The following DISP1 variants were observed in gnomAD, a reference collection of about 807,000 sequenced individuals.
The protein encoded by DISP1 is dispatched RND transporter family member 1, also known as protein dispatched homolog 1.
In DISP1, 30 loss-of-function variants were observed where a neutral mutation model predicts 37.3. The ratio of observed to expected loss-of-function variants is 0.80; its 90% CI spans 0.60 to 1.09. DISP1 has a LOEUF of 1.09. Among genes scored for constraint, DISP1 ranks in the 50% least tolerant of loss-of-function variants. The pLI is 0.00. For missense variants in DISP1, 1,598 were observed against 1,879.5 expected (o/e 0.85, Z 2.77); for synonymous variants, 634 against 690.2 (o/e 0.92, Z 1.28).
intron 1 of DISP1, chr1:222,837,180 C>A: frequency 2.5e-6 from 1 of 396,128 alleles, no homozygotes; most frequent in Admixed American, 4.4e-5. Flanking sequence ...GTCCTGGATG[C>A]CCTCTTTTCT....
At position 222,984,421 on chromosome 1, in the gene DISP1, A is replaced by ATATAT. The variant is rs796974033; in HGVS notation, c.539+1312_539+1313insTATAT. 1.2e-3 allele frequency among the ~76,000 whole-genome samples: 130 copies of ATATAT among 105,768 alleles called. 5 individuals are homozygous for ATATAT. The highest frequency in any genetic ancestry group is 8.2e-3 in the Admixed American group (76 of 9,254). 69.4% of individuals were successfully genotyped at this position (105,768 alleles called of 152,430 possible). On this transcript the variant is annotated intron_variant, in intron 4 of 8. Transcript: ENST00000675850. ...TCTGTCTCAAAAAAAAAAAAAAAAA[A>ATATAT]ATATATATATATATAGAGAGAGAGA...
intron 1 of DISP1, among the ~76,000 whole-genome samples, chr1:222,924,437 G>A (rs1672971486): frequency 6.6e-6 from 1 of 152,128 alleles, no homozygotes; most frequent in South Asian, 2.1e-4. Context: ...TGAGTTCAAG[G>A]TTACATAGCC....
At chr1:222,924,688 G>T (rs1302685432) in intron 1 of DISP1, among the ~76,000 whole-genome samples, 1 of 152,152 alleles carries the variant, frequency 6.6e-6, no homozygotes, top group Non-Finnish European at 1.5e-5. Context: ...GAAAAATCTT[G>T]CTGAAGCAGT....
chr1:222,988,611 CTCTT>C (rs919338386), intron 4 of DISP1, among the ~76,000 whole-genome samples: 15 of 149,294 alleles, frequency 1.0e-4, no homozygotes, highest in South Asian at 6.3e-4. Flanking sequence ...TCTCTCTCTT[CTCTT>C]TCTTTCTTTT....
At chr1:222,831,135 A>G (rs1198606658) in intron 1 of DISP1, 1 of 152,358 alleles carries the variant, frequency 6.6e-6, no homozygotes, top group African/African-American at 2.4e-5. Context: ...GTACAGAACC[A>G]TTAACATGCT....
chr1:222,990,702 T>G lies in DISP1; in HGVS notation c.617T>G (p.Val206Gly), dbSNP rs747237302. 2 of 1,614,152 alleles carry G rather than the reference T, an allele frequency of 1.2e-6. No homozygotes were observed. The highest frequency in any genetic ancestry group is 1.7e-6 in the Non-Finnish European group (2 of 1,180,002). Residue 206 changes from valine (V) to glycine (G), a missense_variant, in exon 5 of 9, where the codon GTT (valine) becomes GGT (glycine). Physicochemically the swap from Val to Gly is moderately radical, Grantham distance 109. Transcript: ENST00000675850. ...ATGTTCATCGTAGTCTGTGCCTTGG[T>G]TGGAGTATTAGTGCCAGAGCTCCCT... The part of the protein sequence containing the change: ...CTMFIVVCAL[V>G]GVLVPELPDF...
rs1671086761 is a variant in DISP1, at chr1:222,893,909, A to G, written c.-158-34521A>G. ...CCAGGAATAATGAGGTACATGGACA[A>G]CTGGAGTGTGAGCAAGGTGGAGAGG... On this transcript the variant is annotated intron_variant, in intron 1 of 8. Coordinates refer to ENST00000675850, the MANE Select transcript of DISP1 (RefSeq NM_001377229.1). This position sits in a 1 kb window ranked among gnomAD's most constrained non-coding sequence, Gnocchi z 4.3. 1.3e-5 allele frequency among the ~76,000 whole-genome samples: 2 copies of G among 152,198 alleles called. No individual in the cohort carries two copies. The highest frequency in any genetic ancestry group is 6.5e-5 in the Admixed American group (1 of 15,278).
In DISP1 at chr1:222,893,810, C is replaced by T. The variant is rs987481819; in HGVS notation, c.-158-34620C>T. On this transcript the variant is annotated intron_variant, in intron 1 of 8. Coordinates refer to ENST00000675850, the MANE Select transcript of DISP1 (RefSeq NM_001377229.1). The surrounding 1 kb of genome is among the most constrained non-coding windows in gnomAD (Gnocchi z 4.3). ...CACAACGTGGCTAATGGAGTGGGGG[C>T]GTGTTTCAGCCCTGTTTGTGTTACA... Among the ~76,000 whole-genome samples the T allele has an allele frequency of 6.6e-6, 1 of 152,120 alleles. No individual in the cohort carries two copies. The highest frequency in any genetic ancestry group is 2.4e-5 in the African/African-American group (1 of 41,434).
chr1:222,935,614 G>A (rs1673672454), intron 2 of DISP1, among the ~76,000 whole-genome samples: 1 of 152,134 alleles, frequency 6.6e-6, no homozygotes, highest in South Asian at 2.1e-4. Flanking sequence ...TAGCCAAGAG[G>A]TGTACAATTT....
intron 1 of DISP1, among the ~76,000 whole-genome samples, chr1:222,856,469 T>C (rs1668550373): frequency 6.6e-6 from 1 of 152,210 alleles, no homozygotes; most frequent in South Asian, 2.1e-4. Context: ...AACTAGACTT[T>C]CTTTTAGGGC....
chr1:222,961,801 A>T (rs1676079675), intron 3 of DISP1, among the ~76,000 whole-genome samples: 1 of 152,100 alleles, frequency 6.6e-6, no homozygotes, highest in Non-Finnish European at 1.5e-5. Context: ...AGGTCAAGAG[A>T]TGGAGACCAT....
intron 1 of DISP1, among the ~76,000 whole-genome samples, chr1:222,822,819 TCTC>T (rs1325007475): frequency 1.3e-5 from 2 of 152,180 alleles, no homozygotes; most frequent in Non-Finnish European, 2.9e-5. Flanking sequence ...CTTCTTAAAA[TCTC>T]CTCCTTTTCC....
In DISP1 at chr1:222,915,347, T is replaced by C. The variant is rs571283009; in HGVS notation, c.-158-13083T>C. On this transcript the variant is annotated intron_variant, in intron 1 of 8. Transcript: ENST00000675850. Reference sequence around the variant, plus strand: ...CTGCAAAGCCAGCAGGGTGTAGATGTGTATTACCAAGGCATTACACTTGGC... The same window carrying C: ...CTGCAAAGCCAGCAGGGTGTAGATGCGTATTACCAAGGCATTACACTTGGC... Among the ~76,000 whole-genome samples, 25 of 152,324 alleles carry C rather than the reference T, an allele frequency of 1.6e-4. 1 individual carries two copies. The South Asian group carries it at 5.0e-3, about 30-fold the overall frequency.
intron 1 of DISP1, among the ~76,000 whole-genome samples, chr1:222,896,492 T>A (rs1482384562): frequency 6.6e-6 from 1 of 150,760 alleles, no homozygotes; most frequent in Non-Finnish European, 1.5e-5. Flanking sequence ...TCCCAGCTAC[T>A]CCGGAGGCTG....
intron 1 of DISP1, among the ~76,000 whole-genome samples, chr1:222,851,225 C>A (rs1458061383): frequency 6.6e-6 from 1 of 152,046 alleles, no homozygotes; most frequent in Non-Finnish European, 1.5e-5. Flanking sequence ...CGGCACCACA[C>A]CCAGCTAATT....
At chr1:223,001,481 C>T (rs1221849453) in intron 8 of DISP1, among the ~76,000 whole-genome samples, 1 of 152,162 alleles carries the variant, frequency 6.6e-6, no homozygotes, top group Non-Finnish European at 1.5e-5. Flanking sequence ...GACATCAGCA[C>T]TTTTGATATT....
rs556570997 is a variant in DISP1, at chr1:222,872,668, C to A, written c.-158-55762C>A. Reference sequence around the variant, plus strand: ...TGTCTATTTGATTCTTCTCTCTTTTCTTCTTTATTAGTCTTGCTAGCAGTC... The same window carrying A: ...TGTCTATTTGATTCTTCTCTCTTTTATTCTTTATTAGTCTTGCTAGCAGTC... On this transcript the variant is annotated intron_variant, in intron 1 of 8. Transcript: ENST00000675850. Among the ~76,000 whole-genome samples the A allele has an allele frequency of 2.2e-4, 34 of 152,110 alleles. No homozygotes were observed. In the East Asian group the frequency reaches 6.6e-3, roughly 29 times the overall value.
At chr1:222,927,951 A>T (rs1673178698) in intron 1 of DISP1, among the ~76,000 whole-genome samples, 1 of 152,206 alleles carries the variant, frequency 6.6e-6, no homozygotes, top group Admixed American at 6.5e-5. Flanking sequence ...TCTGTCCTAA[A>T]AGTAGGATCT....
chr1:222,936,821 A>AT (rs1673844068), intron 2 of DISP1, among the ~76,000 whole-genome samples: 3 of 49,902 alleles, frequency 6.0e-5, no homozygotes, highest in African/African-American at 2.3e-4. Context: ...AATTATATAT[A>AT]ATATATATAA....
Sources: allele counts gnomAD v4.1 joint callset (sites outside exome capture counted in the v4.1 genomes callset), GRCh38; gene constraint gnomAD v4.1.1; non-coding constraint Gnocchi (gnomAD v3.1); transcripts MANE v1.5; gene names NCBI Gene and HGNC (gene_info 2026-07-23, HGNC 2026-07-21).